Variants in PCDH9 observed in about 807,000 individuals in gnomAD.
PCDH9 encodes the protein protocadherin-9.
PCDH9 carries 24 observed loss-of-function variants against 70.6 expected under a neutral mutation model. That is an observed-to-expected ratio of 0.34 (90% CI 0.25 to 0.48). The LOEUF is 0.48. Among genes scored for constraint, PCDH9 ranks in the 20% least tolerant of loss-of-function variants. The pLI is 0.99. For missense variants in PCDH9, 1,281 were observed against 1,503.6 expected (o/e 0.85, Z 2.45); for synonymous variants, 562 against 558.5 (o/e 1.01, Z -0.09).
At chr13:66,702,832 G>A (rs1043239926) in intron 3 of PCDH9, among the ~76,000 whole-genome samples, 2 of 152,128 alleles carry the variant, frequency 1.3e-5, no homozygotes, top group African/African-American at 4.8e-5. Flanking sequence ...TAGTTTAAGG[G>A]AGAACAAAAA....
chr13:67,198,088 C>T (rs779679717), intron 2 of PCDH9, among the ~76,000 whole-genome samples: 25 of 151,164 alleles, frequency 1.7e-4, no homozygotes, highest in Non-Finnish European at 2.8e-4. Context: ...TTTTTATGAA[C>T]TATAGGGATA....
At chr13:66,797,920 G>A (rs2080269443) in intron 3 of PCDH9, among the ~76,000 whole-genome samples, 1 of 151,564 alleles carries the variant, frequency 6.6e-6, no homozygotes, top group Non-Finnish European at 1.5e-5. Context: ...CATACACACA[G>A]AATGCATTAA....
At chr13:66,578,452 G>A (rs1200133929) in intron 4 of PCDH9, among the ~76,000 whole-genome samples, 1 of 151,882 alleles carries the variant, frequency 6.6e-6, no homozygotes, top group Non-Finnish European at 1.5e-5. Flanking sequence ...TGAAATACTT[G>A]TAGTCAGCCT....
At chr13:67,113,712 T>C (rs1410519303) in intron 2 of PCDH9, among the ~76,000 whole-genome samples, 1 of 152,102 alleles carries the variant, frequency 6.6e-6, no homozygotes, top group Non-Finnish European at 1.5e-5. Flanking sequence ...CACGCCCGGC[T>C]AATTTTTTGT....
At chr13:66,563,931 T>C (rs113578626) in intron 4 of PCDH9, among the ~76,000 whole-genome samples, 2 of 152,150 alleles carry the variant, frequency 1.3e-5, no homozygotes, top group African/African-American at 4.8e-5. Context: ...AGGGTGTTTT[T>C]TTTTAAATTG....
intron 4 of PCDH9, among the ~76,000 whole-genome samples, chr13:66,610,809 A>G (rs1161716990): frequency 6.6e-6 from 1 of 152,188 alleles, no homozygotes; most frequent in Non-Finnish European, 1.5e-5. Flanking sequence ...ATTCTAATGA[A>G]GCACCACTCC....
intron 2 of PCDH9, chr13:67,204,909 C>T (rs551176917): frequency 6.6e-6 from 1 of 152,112 alleles, no homozygotes; most frequent in African/African-American, 2.4e-5. Flanking sequence ...GAAACCAAAA[C>T]AATTTGGCAC....
In PCDH9 at chr13:66,365,906, G is replaced by T. The variant is rs114203456; in HGVS notation, c.3341-60878C>A. Among the ~76,000 whole-genome samples the T allele has an allele frequency of 1.7e-3, 264 of 151,992 alleles. 1 individual carries two copies. The highest frequency in any genetic ancestry group is 6.2e-3 in the African/African-American group (257 of 41,508). ...TCACTCATTACTGAACAAATGAATT[G>T]TTTTATTAATTATTATAAAACAAAT... On this transcript the variant is annotated intron_variant, in intron 4 of 4. Transcript: ENST00000377865.
intron 2 of PCDH9, among the ~76,000 whole-genome samples, chr13:66,951,896 G>GA (rs1238071467): frequency 1.3e-5 from 2 of 152,098 alleles, no homozygotes; most frequent in African/African-American, 2.4e-5. Flanking sequence ...AATTTCAAAG[G>GA]AGAGGTGAAT....
intron 4 of PCDH9, among the ~76,000 whole-genome samples, chr13:66,627,187 A>G (rs2077510432): frequency 6.6e-6 from 1 of 152,186 alleles, no homozygotes; most frequent in Non-Finnish European, 1.5e-5. Context: ...GAAATTACTT[A>G]GTACTTCTAC....
chr13:66,400,954 T>G (rs151306011), intron 4 of PCDH9, among the ~76,000 whole-genome samples: 4 of 152,272 alleles, frequency 2.6e-5, no homozygotes, highest in Non-Finnish European at 4.4e-5. Flanking sequence ...TAAGCAATCT[T>G]GCCTCCTTGA....
intron 3 of PCDH9, among the ~76,000 whole-genome samples, chr13:66,697,390 C>T (rs910901246): frequency 3.3e-5 from 5 of 151,860 alleles, no homozygotes; most frequent in Non-Finnish European, 5.9e-5. Context: ...CTCTCACATA[C>T]ATAAAGATAA....
At chr13:67,156,365 A>G (rs1594588020) in intron 2 of PCDH9, among the ~76,000 whole-genome samples, 1 of 152,076 alleles carries the variant, frequency 6.6e-6, no homozygotes, top group South Asian at 2.1e-4. Context: ...GCGAGAGAGG[A>G]GCACATCAAT....
At chr13:66,468,324 C>T (rs1012593527) in intron 4 of PCDH9, among the ~76,000 whole-genome samples, 1 of 152,082 alleles carries the variant, frequency 6.6e-6, no homozygotes, top group African/African-American at 2.4e-5. Flanking sequence ...ACTATCTTTC[C>T]TGTCACCACC....
chr13:66,341,113 A>AT (rs1956116477), intron 4 of PCDH9, among the ~76,000 whole-genome samples: 1 of 151,996 alleles, frequency 6.6e-6, no homozygotes, highest in Admixed American at 6.6e-5. Flanking sequence ...TATTTTATTT[A>AT]TTTTTTATTT....
At chr13:66,849,604 G>T (rs79880553) in intron 3 of PCDH9, among the ~76,000 whole-genome samples, 1 of 150,036 alleles carries the variant, frequency 6.7e-6, no homozygotes, top group East Asian at 2.0e-4. Flanking sequence ...GAACTGTGCC[G>T]CTTTAAGGTA....
intron 4 of PCDH9, among the ~76,000 whole-genome samples, chr13:66,618,142 C>T (rs1444883518): frequency 6.6e-6 from 1 of 152,114 alleles, no homozygotes; most frequent in Non-Finnish European, 1.5e-5. Context: ...CTGTTTCCCC[C>T]CTTTATTTTC....
At chr13:67,040,318 T>C (rs928251263) in intron 2 of PCDH9, among the ~76,000 whole-genome samples, 17 of 152,110 alleles carry the variant, frequency 1.1e-4, no homozygotes, top group African/African-American at 4.1e-4. Context: ...TTTATAAAAG[T>C]GACCCTGAAA....
intron 4 of PCDH9, among the ~76,000 whole-genome samples, chr13:66,586,375 A>G (rs915939087): frequency 2.6e-5 from 4 of 152,132 alleles, no homozygotes; most frequent in Admixed American, 1.3e-4. Flanking sequence ...AATCCAAGCA[A>G]TGGTTTTTTG....
Sources: gnomAD v4.1 joint callset for allele counts (sites outside exome capture counted in the v4.1 genomes callset) on GRCh38, gnomAD v4.1.1 for gene constraint, MANE v1.5 for transcripts, NCBI Gene and HGNC (gene_info 2026-07-23, HGNC 2026-07-21) for gene names.